HOMER1: variants seen among roughly 807,000 people sequenced by gnomAD.
The protein encoded by HOMER1 is homer scaffold protein 1.
Under a neutral mutation model 48.9 loss-of-function variants are expected in HOMER1, and 3 were observed. That is an observed-to-expected ratio of 0.06 (90% CI 0.03 to 0.16). HOMER1 has a LOEUF of 0.16. HOMER1 is among the 10% of genes least tolerant of loss of function. The pLI, the probability that HOMER1 is intolerant of heterozygous loss-of-function variation, is 1.00. For missense variants in HOMER1, 247 were observed against 411.4 expected (o/e 0.60, Z 3.46); for synonymous variants, 134 against 146.4 (o/e 0.92, Z 0.61).
intron 5 of HOMER1, among the ~76,000 whole-genome samples, chr5:79,431,838 T>A (rs981046041): frequency 2.0e-5 from 3 of 152,190 alleles, no homozygotes; most frequent in African/African-American, 7.2e-5. Flanking sequence ...AATGACCACT[T>A]TCAATATCAG....
intron 3 of HOMER1, among the ~76,000 whole-genome samples, chr5:79,449,723 C>T (rs1044264393): frequency 6.6e-5 from 10 of 152,154 alleles, no homozygotes; most frequent in East Asian, 1.9e-4. Context: ...GATCTGCCCT[C>T]CTTGGCCTCT....
At chr5:79,471,551 G>A (rs1175128496) in intron 1 of HOMER1, among the ~76,000 whole-genome samples, 884 of 97,494 alleles carry the variant, frequency 9.1e-3, no homozygotes, top group Non-Finnish European at 0.012. Context: ...CCATCTCAAA[G>A]AAAAAAAAAA....
At chr5:79,504,157 T>G (rs909600354) in intron 1 of HOMER1, among the ~76,000 whole-genome samples, 7 of 152,172 alleles carry the variant, frequency 4.6e-5, no homozygotes, top group African/African-American at 1.7e-4. Flanking sequence ...TCTAGAATTT[T>G]TTTTTTTAAA....
At chr5:79,480,615 T>C (rs545160821) in intron 1 of HOMER1, among the ~76,000 whole-genome samples, 2 of 152,260 alleles carry the variant, frequency 1.3e-5, no homozygotes, top group African/African-American at 2.4e-5. Flanking sequence ...GACAGCCATA[T>C]GCCCATGTAA....
At chr5:79,407,267 C>A (rs1429468932) in intron 5 of HOMER1, among the ~76,000 whole-genome samples, 2 of 150,516 alleles carry the variant, frequency 1.3e-5, no homozygotes, top group East Asian at 2.0e-4. Flanking sequence ...GTCCTCCACA[C>A]AATGTTTAGC....
At chr5:79,440,400 C>T (rs1396481955) in intron 4 of HOMER1, among the ~76,000 whole-genome samples, 1 of 152,160 alleles carries the variant, frequency 6.6e-6, no homozygotes, top group Non-Finnish European at 1.5e-5. Context: ...ATGCTATAAA[C>T]TATACAAGCT....
chr5:79,434,324 T>TA (rs1043171958), intron 5 of HOMER1, among the ~76,000 whole-genome samples: 2 of 151,356 alleles, frequency 1.3e-5, no homozygotes, highest in African/African-American at 2.4e-5. Flanking sequence ...TAAATCTTTT[T>TA]AAAAAAATCT....
Position 79,373,739 on chromosome 5 carries a change from T to C in HOMER1, c.*2270A>G, listed in dbSNP as rs1273199589. ...ATTTAAAGGTGCAGCCCTCAAGAGA[T>C]TGTTAAATCACTAAAAAAGGAAACA... is the stretch of plus-strand genomic sequence containing the variant. On this transcript the variant is annotated 3_prime_UTR_variant, in exon 9 of 9. Coordinates refer to ENST00000334082, the MANE Select transcript of HOMER1 (RefSeq NM_004272.5). 1.3e-5 allele frequency: 2 copies of C among 151,994 alleles called. No individual in the cohort carries two copies. The highest frequency in any genetic ancestry group is 2.1e-4 in the South Asian group (1 of 4,828). The allele number at this position is 151,994 out of a possible 1,614,324, so 9.4% of individuals were successfully genotyped here.
At chr5:79,422,127 T>C (rs934529406) in intron 5 of HOMER1, among the ~76,000 whole-genome samples, 9 of 151,808 alleles carry the variant, frequency 5.9e-5, no homozygotes. Context: ...CTCAGGAGGC[T>C]GAGGTGGGAG....
chr5:79,478,456 AGGCG>A (rs1320454681), intron 1 of HOMER1, among the ~76,000 whole-genome samples: 1 of 152,044 alleles, frequency 6.6e-6, no homozygotes, highest in East Asian at 1.9e-4. Context: ...TGGGAGGCCG[AGGCG>A]GGCGGATTGC....
intron 2 of HOMER1, among the ~76,000 whole-genome samples, chr5:79,454,336 T>C (rs1387379582): frequency 1.3e-5 from 2 of 152,166 alleles, no homozygotes; most frequent in Non-Finnish European, 2.9e-5. Flanking sequence ...TAAAGGAGGA[T>C]TGTTATCTTT....
intron 8 of HOMER1, among the ~76,000 whole-genome samples, chr5:79,390,509 A>T (rs959182315): frequency 3.3e-5 from 5 of 152,170 alleles, no homozygotes; most frequent in African/African-American, 1.2e-4. Flanking sequence ...TATTAATACA[A>T]TGCACACACA....
chr5:79,502,838 T>C (rs191518173), intron 1 of HOMER1, among the ~76,000 whole-genome samples: 389 of 152,350 alleles, frequency 2.6e-3, no homozygotes, highest in Non-Finnish European at 3.8e-3. Flanking sequence ...TCGCCCAGGC[T>C]GGAGTGCAGT....
intron 5 of HOMER1, 38 bp downstream of exon 5, chr5:79,438,972 A>C (rs1750667717): frequency 1.9e-6 from 3 of 1,579,556 alleles, no homozygotes; most frequent in Non-Finnish European, 2.6e-6. Flanking sequence ...CCATATTTAC[A>C]CATTTACTTA....
intron 8 of HOMER1, among the ~76,000 whole-genome samples, chr5:79,394,113 C>T (rs576520079): frequency 1.6e-4 from 24 of 152,092 alleles, no homozygotes; most frequent in East Asian, 1.9e-4. Context: ...CCAAATATTG[C>T]CAAATATCAA....
chr5:79,475,929 T>C (rs1310720683), intron 1 of HOMER1, among the ~76,000 whole-genome samples: 1 of 152,216 alleles, frequency 6.6e-6, no homozygotes, highest in East Asian at 1.9e-4. Context: ...ATAATTATGT[T>C]GCTTGTACTA....
At chr5:79,425,410 G>A (rs945275003) in intron 5 of HOMER1, among the ~76,000 whole-genome samples, 1 of 151,996 alleles carries the variant, frequency 6.6e-6, no homozygotes, top group Non-Finnish European at 1.5e-5. Flanking sequence ...GGGAAAGGGA[G>A]GAGAAACTAT....
At chr5:79,450,043 T>C (rs946945805) in intron 3 of HOMER1, among the ~76,000 whole-genome samples, 2 of 152,196 alleles carry the variant, frequency 1.3e-5, no homozygotes, top group Non-Finnish European at 2.9e-5. Flanking sequence ...TAAAATTTAA[T>C]GTAAATATAA....
chr5:79,441,639 TTTTAA>T (rs1750739989), intron 4 of HOMER1, among the ~76,000 whole-genome samples: 2 of 152,290 alleles, frequency 1.3e-5, no homozygotes, highest in Admixed American at 6.5e-5. Context: ...TATTTTATTT[TTTTAA>T]TTTAATTTTT....
Sources: allele counts gnomAD v4.1 joint callset (sites outside exome capture counted in the v4.1 genomes callset), GRCh38; gene constraint gnomAD v4.1.1; transcripts MANE v1.5; gene names NCBI Gene and HGNC (gene_info 2026-07-23, HGNC 2026-07-21).